HHAT: variants seen among roughly 807,000 people sequenced by gnomAD.
The protein encoded by HHAT is protein-cysteine N-palmitoyltransferase HHAT.
HHAT carries 47 observed loss-of-function variants against 70.8 expected under a neutral mutation model. The observed-to-expected ratio is 0.66, with a 90% CI of 0.53 to 0.85. The LOEUF (loss-of-function observed/expected upper bound fraction) is 0.85. Ranked by LOEUF, HHAT falls within the 40% of genes least tolerant of loss-of-function variation. The pLI is 0.00. For synonymous variants in HHAT, 228 were observed against 247.6 expected, an observed-to-expected ratio of 0.92 and a Z score of 0.74; for missense variants, 609 against 604.8, an observed-to-expected ratio of 1.01 and a Z score of -0.07.
At chr1:210,545,436 CTTTTTT>C (rs71571956) in intron 9 of HHAT, among the ~76,000 whole-genome samples, 4 of 127,192 alleles carry the variant, frequency 3.1e-5, no homozygotes, top group Non-Finnish European at 4.8e-5. Context: ...CTTTTTTTTC[CTTTTTT>C]TTTTTTTTTT....
chr1:210,626,361 A>G (rs1031212010), intron 11 of HHAT, among the ~76,000 whole-genome samples: 2 of 152,068 alleles, frequency 1.3e-5, no homozygotes, highest in Non-Finnish European at 2.9e-5. Context: ...TCCTCCTTGG[A>G]CTCAGGTGCC....
chr1:210,658,886 C>T (rs1440807557), intron 11 of HHAT, among the ~76,000 whole-genome samples: 2 of 152,110 alleles, frequency 1.3e-5, no homozygotes, highest in East Asian at 3.9e-4. Flanking sequence ...TCTTTGAAAC[C>T]AGTGAGAACA....
intron 7 of HHAT, among the ~76,000 whole-genome samples, chr1:210,450,502 A>T (rs984376738): frequency 9.3e-5 from 14 of 150,852 alleles, no homozygotes; most frequent in African/African-American, 1.5e-4. Context: ...TTATTTTTAA[A>T]AAAATTTTTT....
chr1:210,594,223 T>A (rs1015287690), intron 10 of HHAT, among the ~76,000 whole-genome samples: 1 of 152,166 alleles, frequency 6.6e-6, no homozygotes, highest in African/African-American at 2.4e-5. Context: ...TTTTCTGTTT[T>A]ATGGTCTTCT....
chr1:210,564,110 T>C (rs35415526), intron 9 of HHAT, among the ~76,000 whole-genome samples: 37,542 of 141,458 alleles, frequency 0.27, 4,840 homozygotes, highest in Middle Eastern at 0.3. Flanking sequence ...CGTACCACCA[T>C]GCCCAACTAT....
At chr1:210,659,085 A>G (rs1677086190) in intron 11 of HHAT, among the ~76,000 whole-genome samples, 1 of 152,224 alleles carries the variant, frequency 6.6e-6, no homozygotes, top group Non-Finnish European at 1.5e-5. Context: ...AATAACTAAG[A>G]TCAGAGCAGA....
At chr1:210,449,914 A>AG (rs11407817) in intron 7 of HHAT, among the ~76,000 whole-genome samples, 51,048 of 152,056 alleles carry the variant, frequency 0.34, 9,156 homozygotes, top group South Asian at 0.47. Context: ...ACAGAGAGGA[A>AG]GTGGAGATTT....
At chr1:210,424,813 G>A (rs961705465) in intron 7 of HHAT, among the ~76,000 whole-genome samples, 11 of 152,092 alleles carry the variant, frequency 7.2e-5, no homozygotes, top group African/African-American at 2.4e-4. Flanking sequence ...ATGAACATAC[G>A]CGAGTGTGTC....
At chr1:210,669,768 G>T (rs1679707853) in intron 11 of HHAT, among the ~76,000 whole-genome samples, 1 of 152,254 alleles carries the variant, frequency 6.6e-6, no homozygotes, top group South Asian at 2.1e-4. Flanking sequence ...GGGGGCTTCA[G>T]CCCTAAAGTA....
At chr1:210,555,959 C>T (rs1350891717) in intron 9 of HHAT, among the ~76,000 whole-genome samples, 7 of 152,198 alleles carry the variant, frequency 4.6e-5, no homozygotes, top group Non-Finnish European at 7.3e-5. Context: ...TTTGGAGGCC[C>T]TGTTTTTGAA....
intron 8 of HHAT, among the ~76,000 whole-genome samples, chr1:210,478,701 G>C (rs1434023100): frequency 1.3e-5 from 2 of 152,124 alleles, no homozygotes; most frequent in Non-Finnish European, 2.9e-5. Flanking sequence ...AGGCAGAAAG[G>C]AATTTTCCTT....
At chr1:210,628,322 T>G (rs1026077315) in intron 11 of HHAT, among the ~76,000 whole-genome samples, 1 of 148,970 alleles carries the variant, frequency 6.7e-6, no homozygotes, top group Non-Finnish European at 1.5e-5. Flanking sequence ...GGACTTTGTT[T>G]AAAAAAAAGA....
Position 210,329,258 on chromosome 1 carries a change from C to G in HHAT, c.-44+154C>G, listed in dbSNP as rs940502487. On this transcript the variant is annotated intron_variant, in intron 1 of 11. Coordinates refer to ENST00000261458, the MANE Select transcript of HHAT (RefSeq NM_018194.6). ...CCGAGGGCGGGACAGAGGAAGTTCC[C>G]GGTCGGGCGAAGAAGACAAAAGCGG... 24 of 1,190,192 alleles carry G rather than the reference C, an allele frequency of 2.0e-5. No homozygotes were observed. The South Asian group carries it at 7.7e-4, about 38-fold the overall frequency. 73.7% of individuals were successfully genotyped at this position (1,190,192 alleles called of 1,614,324 possible). A position where few individuals can be genotyped will look rare whatever the true frequency, so the allele number is the denominator to read the frequency against.
At chr1:210,394,439 G>T (rs915394134) in intron 4 of HHAT, among the ~76,000 whole-genome samples, 1 of 152,026 alleles carries the variant, frequency 6.6e-6, no homozygotes, top group Non-Finnish European at 1.5e-5. Context: ...TGATTGGATT[G>T]GATGTCACGG....
At chr1:210,344,110 G>A (rs1056400355) in intron 1 of HHAT, among the ~76,000 whole-genome samples, 2 of 152,152 alleles carry the variant, frequency 1.3e-5, no homozygotes, top group Non-Finnish European at 2.9e-5. Context: ...GTGCCAGAAT[G>A]TATCACTGTG....
At position 210,526,223 on chromosome 1, in the gene HHAT, C is replaced by T. The variant is rs75847993; in HGVS notation, c.1043+13035C>T. 1.1e-4 allele frequency among the ~76,000 whole-genome samples: 17 copies of T among 152,260 alleles called. No individual in the cohort carries two copies. In the East Asian group the frequency reaches 3.3e-3, roughly 29 times the overall value. ...CCCTTTCCCTGAGTCCAGTGGCAGA[C>T]ATGGTTGAGTCCCCACTGGAGCAGT... On this transcript the variant is annotated intron_variant, in intron 9 of 11. Coordinates refer to ENST00000261458, the MANE Select transcript of HHAT (RefSeq NM_018194.6).
chr1:210,539,621 G>A (rs1358453094), intron 9 of HHAT, among the ~76,000 whole-genome samples: 1 of 152,196 alleles, frequency 6.6e-6, no homozygotes. Flanking sequence ...TCGAGGTAGA[G>A]AGTCACAGAG....
At chr1:210,577,808 G>T (rs1658240074) in intron 9 of HHAT, among the ~76,000 whole-genome samples, 1 of 151,782 alleles carries the variant, frequency 6.6e-6, no homozygotes, top group Non-Finnish European at 1.5e-5. Context: ...ACCACGCTGG[G>T]CTAATTTTTG....
intron 3 of HHAT, among the ~76,000 whole-genome samples, chr1:210,386,235 T>TTTTTTC (rs1553338337): frequency 1.1e-5 from 1 of 92,010 alleles, no homozygotes; most frequent in African/African-American, 4.5e-5. Flanking sequence ...TTTTTCTTTT[T>TTTTTTC]TTTTTTTTTT....
Sources: allele counts gnomAD v4.1 joint callset (sites outside exome capture counted in the v4.1 genomes callset), GRCh38; gene constraint gnomAD v4.1.1; transcripts MANE v1.5; gene names NCBI Gene and HGNC (gene_info 2026-07-23, HGNC 2026-07-21).